Variants in KDM4C observed in about 807,000 individuals in gnomAD.
KDM4C encodes the protein lysine-specific demethylase 4C.
Under a neutral mutation model 129.3 loss-of-function variants are expected in KDM4C, and 81 were observed. That is an observed-to-expected ratio of 0.63 (90% CI 0.52 to 0.75). The LOEUF (loss-of-function observed/expected upper bound fraction) is 0.75, where lower values mean the gene tolerates loss of function less well. Among genes scored for constraint, KDM4C ranks in the 30% least tolerant of loss-of-function variants. The pLI is 0.00. For synonymous variants in KDM4C, 573 were observed against 456.1 expected, an observed-to-expected ratio of 1.26 and a Z score of -3.26; for missense variants, 1,457 against 1,304.0, an observed-to-expected ratio of 1.12 and a Z score of -1.81.
At chr9:6,964,240 T>TC (rs1830515395) in intron 8 of KDM4C, among the ~76,000 whole-genome samples, 1 of 136,632 alleles carries the variant, frequency 7.3e-6, no homozygotes, top group African/African-American at 2.6e-5. Context: ...CCCTCCCCCC[T>TC]CCCCTGACCC....
chr9:6,928,188 A>G (rs1352335888), intron 8 of KDM4C, among the ~76,000 whole-genome samples: 1 of 152,092 alleles, frequency 6.6e-6, no homozygotes, highest in Non-Finnish European at 1.5e-5. Context: ...TCCTTGCAAC[A>G]CATTCTTCTC....
rs1054584031 is a variant in KDM4C, at chr9:6,758,270, GCC to G, written c.-18+72_-18+73del. 1.2e-5 allele frequency: 11 copies of G among 914,732 alleles called. No individual in the cohort carries two copies. The highest frequency in any genetic ancestry group is 1.4e-5 in the Non-Finnish European group (11 of 765,676). 56.7% of individuals were successfully genotyped at this position (914,732 alleles called of 1,614,324 possible). On this transcript the variant is annotated intron_variant, in intron 1 of 21. Transcript: ENST00000381309. The surrounding 1 kb of genome is among the most constrained non-coding windows in gnomAD (Gnocchi z 4.6). ...GGTCCGGAGAGGTCTTCCCGGCACTGCCCCCCTCCGCGTGGGGCACGGGGGTG... is the reference window on the plus strand; with the variant it reads ...GGTCCGGAGAGGTCTTCCCGGCACTGCCCCTCCGCGTGGGGCACGGGGGTG...
chr9:6,727,565 G>A, intron 1 of KDM4C: 1 of 219,818 alleles, frequency 4.5e-6, no homozygotes, highest in South Asian at 1.7e-4. Context: ...GACCATCCTG[G>A]CTAACACGGT....
intron 18 of KDM4C, among the ~76,000 whole-genome samples, chr9:7,116,688 A>G (rs1337821313): frequency 1.3e-5 from 2 of 152,190 alleles, no homozygotes; most frequent in Non-Finnish European, 2.9e-5. Flanking sequence ...GGTAGGCAGA[A>G]TCTGCACTCC....
intron 19 of KDM4C, among the ~76,000 whole-genome samples, chr9:7,142,892 T>C (rs1179388843): frequency 1.3e-5 from 2 of 152,192 alleles, no homozygotes; most frequent in African/African-American, 2.4e-5. Flanking sequence ...ATGTATTCAT[T>C]TGAATGCACC....
In KDM4C at chr9:6,775,557, T is replaced by C. The variant is rs529714889; in HGVS notation, c.-18+17354T>C. Among the ~76,000 whole-genome samples, 5 of 151,938 alleles carry C rather than the reference T, an allele frequency of 3.3e-5. No individual in the cohort carries two copies. The East Asian group carries it at 7.8e-4, about 24-fold the overall frequency. On this transcript the variant is annotated intron_variant, in intron 1 of 21. Coordinates refer to ENST00000381309, the MANE Select transcript of KDM4C (RefSeq NM_015061.6). ...TTTTTTTTGAGATGGAGTTTCGTTC[T>C]TATTGCCCAGGCTGGAGCGCAGTGG...
chr9:6,834,734 C>A, intron 4 of KDM4C: 1 of 965,156 alleles, frequency 1.0e-6, no homozygotes, highest in Non-Finnish European at 1.7e-6. Flanking sequence ...CTAAAGGGAG[C>A]TGCATGTGGT....
intron 8 of KDM4C, among the ~76,000 whole-genome samples, chr9:6,908,915 A>T (rs1441774419): frequency 6.6e-6 from 1 of 152,184 alleles, no homozygotes; most frequent in African/African-American, 2.4e-5. Flanking sequence ...TGACTGACAC[A>T]TGGCATGTAA....
chr9:7,064,441 A>G (rs1436104528), intron 17 of KDM4C, among the ~76,000 whole-genome samples: 2 of 152,176 alleles, frequency 1.3e-5, no homozygotes, highest in Non-Finnish European at 2.9e-5. Context: ...GGTCAGTTTC[A>G]ATAGTCAGGT....
chr9:7,149,145 C>T (rs1020444252), intron 19 of KDM4C, among the ~76,000 whole-genome samples: 7 of 152,240 alleles, frequency 4.6e-5, no homozygotes, highest in South Asian at 2.1e-4. Flanking sequence ...GCCTCACTCC[C>T]GTGCTCCTCA....
chr9:6,806,018 G>A (rs1829900793), intron 3 of KDM4C, among the ~76,000 whole-genome samples: 1 of 152,066 alleles, frequency 6.6e-6, no homozygotes, highest in Non-Finnish European at 1.5e-5. Context: ...TTATCCTATA[G>A]TTGCCATGAG....
chr9:6,784,210 G>T (rs1001873451), intron 1 of KDM4C, among the ~76,000 whole-genome samples: 1 of 152,164 alleles, frequency 6.6e-6, no homozygotes, highest in African/African-American at 2.4e-5. Context: ...GGAAGCAGAG[G>T]CCTCATTTAA....
At chr9:7,149,770 C>T (rs1482851255) in intron 19 of KDM4C, among the ~76,000 whole-genome samples, 1 of 152,162 alleles carries the variant, frequency 6.6e-6, no homozygotes, top group East Asian at 1.9e-4. Flanking sequence ...TTGGTCAGCT[C>T]ATTGGTCAGA....
chr9:6,885,952 A>C (rs1330266169), intron 6 of KDM4C, among the ~76,000 whole-genome samples: 1 of 152,248 alleles, frequency 6.6e-6, no homozygotes, highest in Admixed American at 6.5e-5. Context: ...TTACAAATCT[A>C]TATTGAAAGA....
At chr9:6,893,728 A>G (rs1846431550) in intron 8 of KDM4C, 1 of 152,242 alleles carries the variant, frequency 6.6e-6, no homozygotes, top group African/African-American at 2.4e-5. Context: ...ATCATGTAGA[A>G]CACATTTTAA....
intron 8 of KDM4C, chr9:6,924,888 G>A: frequency 3.0e-6 from 3 of 984,546 alleles, no homozygotes; most frequent in South Asian, 4.7e-5. Context: ...TTGGGGTGGT[G>A]GAGCATTTTG....
At chr9:6,801,486 C>G (rs1166123256) in intron 2 of KDM4C, among the ~76,000 whole-genome samples, 2 of 151,458 alleles carry the variant, frequency 1.3e-5, no homozygotes, top group African/African-American at 2.4e-5. Context: ...ATCCACCCGC[C>G]TTGGCCTCCC....
chr9:7,100,206 G>C (rs560571069), intron 17 of KDM4C, among the ~76,000 whole-genome samples: 1 of 152,286 alleles, frequency 6.6e-6, no homozygotes, highest in African/African-American at 2.4e-5. Flanking sequence ...AGCCTAGGCA[G>C]CATGGCAAAA....
intron 4 of KDM4C, among the ~76,000 whole-genome samples, chr9:6,828,917 G>T (rs1023694571): frequency 6.6e-6 from 1 of 152,148 alleles, no homozygotes; most frequent in Non-Finnish European, 1.5e-5. Flanking sequence ...AGAATTGGCC[G>T]TTTCTCTTTT....
Sources: gnomAD v4.1 joint callset for allele counts (sites outside exome capture counted in the v4.1 genomes callset) on GRCh38, gnomAD v4.1.1 for gene constraint, Gnocchi (gnomAD v3.1) non-coding constraint, MANE v1.5 for transcripts, NCBI Gene and HGNC (gene_info 2026-07-23, HGNC 2026-07-21) for gene names.